The following TNFRSF9 variants were observed in gnomAD, a reference collection of about 807,000 sequenced individuals.
The protein encoded by TNFRSF9 is tumor necrosis factor receptor superfamily member 9.
In TNFRSF9, 16 loss-of-function variants were observed where a neutral mutation model predicts 28.8. The ratio of observed to expected loss-of-function variants is 0.55; its 90% confidence interval spans 0.38 to 0.84. The LOEUF (loss-of-function observed/expected upper bound fraction) is 0.84, where lower values mean the gene tolerates loss of function less well. Ranked by LOEUF, TNFRSF9 falls within the 40% of genes least tolerant of loss-of-function variation. The pLI, the probability that TNFRSF9 is intolerant of heterozygous loss-of-function variation, is 0.00. For synonymous variants in TNFRSF9, 131 were observed against 117.0 expected (o/e 1.12, Z -0.77); for missense variants, 303 against 315.0 (o/e 0.96, Z 0.29).
rs1491203940 is a variant in TNFRSF9 at position 7,929,157 on chromosome 1, C to CTTT, written c.679+4004_679+4005insAAA. 1.7e-3 allele frequency among the ~76,000 whole-genome samples: 112 copies of CTTT among 65,448 alleles called. 18 individuals are homozygous for CTTT. Among genetic ancestry groups the CTTT allele is most frequent in the Non-Finnish European group, 2.3e-3 (58 of 25,474 alleles). 42.9% of individuals were successfully genotyped at this position (65,448 alleles called of 152,430 possible). A position where few individuals can be genotyped will look rare whatever the true frequency, so the allele number is the denominator to read the frequency against. On this transcript the variant is annotated intron_variant, in intron 7 of 7. Coordinates refer to ENST00000377507, the MANE Select transcript of TNFRSF9 (RefSeq NM_001561.6). ...CTCAGTTTTTCTTTTTTTTCTTTTT[C>CTTT]CTTTTTTTTTTTTTTTTTTTTTGAG...
At position 7,939,896 on chromosome 1, in the gene TNFRSF9, AGCTGG is replaced by A. The variant is rs756915378; in HGVS notation, c.94_98del (p.Pro32TrpfsTer5). 7 of 1,593,630 alleles carry A rather than the reference AGCTGG, an allele frequency of 4.4e-6. No individual in the cohort carries two copies. On this transcript the variant is annotated frameshift_variant and splice_region_variant, in exon 2 of 8. Transcript: ENST00000377507. LOFTEE classifies it high-confidence loss of function. Reference sequence around the variant, plus strand: ...TGCACATGATAACTGGGTACTCACCAGCTGGGCAGTTACTACAAGGATCCTGCAAT... The same window carrying A: ...TGCACATGATAACTGGGTACTCACCAGCAGTTACTACAAGGATCCTGCAAT...
At chr1:7,932,901 TGCACGGTAG>T (rs1315535967) in intron 7 of TNFRSF9, among the ~76,000 whole-genome samples, 1 of 152,152 alleles carries the variant, frequency 6.6e-6, no homozygotes, top group African/African-American at 2.4e-5. Flanking sequence ...GGCTGTCCCG[TGCACGGTAG>T]GAGTTGAGCA....
intron 7 of TNFRSF9, among the ~76,000 whole-genome samples, chr1:7,925,052 G>A (rs371165638): frequency 6.6e-6 from 1 of 151,956 alleles, no homozygotes; most frequent in Non-Finnish European, 1.5e-5. Context: ...GGTGGCTCAT[G>A]CCTGTAATCC....
At chr1:7,939,243 C>T (rs1208864754) in intron 2 of TNFRSF9, among the ~76,000 whole-genome samples, 2 of 151,206 alleles carry the variant, frequency 1.3e-5, no homozygotes, top group Admixed American at 6.6e-5. Flanking sequence ...TTGCTTGAAC[C>T]TGGGAGGCCA....
chr1:7,939,410 A>G (rs1639869155), intron 2 of TNFRSF9, among the ~76,000 whole-genome samples: 1 of 152,116 alleles, frequency 6.6e-6, no homozygotes, highest in Non-Finnish European at 1.5e-5. Flanking sequence ...TACTTTATCT[A>G]TTGAATAAAA....
At chr1:7,937,970 G>A (rs1452185550) in intron 4 of TNFRSF9, among the ~76,000 whole-genome samples, 1 of 152,038 alleles carries the variant, frequency 6.6e-6, no homozygotes, top group African/African-American at 2.4e-5. Flanking sequence ...AATGGTTCTG[G>A]CAATTAACAA....
intron 7 of TNFRSF9, among the ~76,000 whole-genome samples, chr1:7,924,294 C>CATATGTAT (rs1238435280): frequency 1.8e-4 from 23 of 130,020 alleles, no homozygotes; most frequent in African/African-American, 6.6e-4. Context: ...TAGTATATTC[C>CATATGTAT]ATATATATAT....
rs1047259553 is a variant in TNFRSF9 at position 7,920,722 on chromosome 1, A to G, written c.*113T>C. 1 of 830,270 alleles carries G rather than the reference A, an allele frequency of 1.2e-6. No individual in the cohort carries two copies. The highest frequency in any genetic ancestry group is 1.7e-5 in the African/African-American group (1 of 58,242). 51.4% of individuals were successfully genotyped at this position (830,270 alleles called of 1,614,324 possible). ...TTAGAAAAGAACGTGTGTTGGGGGAATCCTGGGTATTATGTAGGATGGTGT... is the reference window on the plus strand; with the variant it reads ...TTAGAAAAGAACGTGTGTTGGGGGAGTCCTGGGTATTATGTAGGATGGTGT... On this transcript the variant is annotated 3_prime_UTR_variant, in exon 8 of 8. Transcript: ENST00000377507.
intron 5 of TNFRSF9, 35 bp downstream of exon 5, chr1:7,937,655 T>C: frequency 1.3e-6 from 2 of 1,577,068 alleles, no homozygotes; most frequent in Non-Finnish European, 1.7e-6. Context: ...TAACCCAGAT[T>C]CTTTATTCCA....
chr1:7,938,566 C>T (rs1028204671), intron 3 of TNFRSF9, among the ~76,000 whole-genome samples, 155 bp downstream of exon 3: 1 of 152,186 alleles, frequency 6.6e-6, no homozygotes, highest in African/African-American at 2.4e-5. Flanking sequence ...CAAATAATTG[C>T]TGTCACTGGA....
chr1:7,920,954 T>TGATAAGATAAA, intron 7 of TNFRSF9, 31 bp from the exon 8 acceptor site: 1 of 1,451,244 alleles, frequency 6.9e-7, no homozygotes, highest in African/African-American at 1.4e-5. Flanking sequence ...TACGTATATT[T>TGATAAGATAAA]TGTTGTCTAT....
intron 2 of TNFRSF9, 125 bp from the exon 3 acceptor site, chr1:7,938,953 G>T: frequency 1.7e-6 from 1 of 597,556 alleles, no homozygotes; most frequent in South Asian, 2.4e-5. Flanking sequence ...CACAGTGGTG[G>T]ACATTAGTTT....
In TNFRSF9 at chr1:7,919,969, C is replaced by A. The variant is rs1485670219; in HGVS notation, c.*866G>T. ...GCAGAAGGTGTGAGGATGGAGAAGA[C>A]CATAGGATATACAGACACTTGAACT... On this transcript the variant is annotated 3_prime_UTR_variant, in exon 8 of 8. Transcript: ENST00000377507. The A allele has an allele frequency of 6.6e-6, 1 of 152,264 alleles. No homozygotes were observed. Among genetic ancestry groups the A allele is most frequent in the East Asian group, 1.9e-4 (1 of 5,330 alleles). 9.4% of individuals were successfully genotyped at this position (152,264 alleles called of 1,614,324 possible).
intron 5 of TNFRSF9, among the ~76,000 whole-genome samples, chr1:7,935,389 A>G (rs1639801591): frequency 6.6e-6 from 1 of 151,866 alleles, no homozygotes; most frequent in African/African-American, 2.4e-5. Flanking sequence ...TTAGTCTCTC[A>G]CCCCCAGTTT....
At chr1:7,925,968 T>G (rs929742856) in intron 7 of TNFRSF9, among the ~76,000 whole-genome samples, 1 of 152,168 alleles carries the variant, frequency 6.6e-6, no homozygotes, top group African/African-American at 2.4e-5. Context: ...TGATGCGATC[T>G]CGGCTCACTG....
chr1:7,925,327 G>T (rs955895128), intron 7 of TNFRSF9, among the ~76,000 whole-genome samples: 1 of 151,850 alleles, frequency 6.6e-6, no homozygotes, highest in African/African-American at 2.4e-5. Flanking sequence ...TAAAGTTTAT[G>T]AAGTAAAAAG....
chr1:7,938,617 C>T, intron 3 of TNFRSF9, 104 bp downstream of exon 3: 2 of 1,043,500 alleles, frequency 1.9e-6, no homozygotes, highest in Non-Finnish European at 2.8e-6. Flanking sequence ...AAGAATCAGT[C>T]TTTGACACTT....
At chr1:7,934,060 TC>T (rs1264136455) in intron 6 of TNFRSF9, among the ~76,000 whole-genome samples, 1 of 151,870 alleles carries the variant, frequency 6.6e-6, no homozygotes, top group Admixed American at 6.6e-5. Context: ...GAGCAGTTTA[TC>T]CTTTCTAGCA....
At chr1:7,932,721 G>GCA (rs907395969) in intron 7 of TNFRSF9, among the ~76,000 whole-genome samples, 32 of 142,744 alleles carry the variant, frequency 2.2e-4, no homozygotes, top group Admixed American at 1.0e-3. Flanking sequence ...ACACAGACAC[G>GCA]CACACACACA....
Sources: allele counts gnomAD v4.1 joint callset (sites outside exome capture counted in the v4.1 genomes callset), GRCh38; gene constraint gnomAD v4.1.1; transcripts MANE v1.5; gene names NCBI Gene and HGNC (gene_info 2026-07-23, HGNC 2026-07-21).